The following MME variants were observed in gnomAD, a reference collection of about 807,000 sequenced individuals.
MME encodes neprilysin.
Under a neutral mutation model 113.2 loss-of-function variants are expected in MME, and 98 were observed. The ratio of observed to expected loss-of-function variants is 0.87; its 90% CI spans 0.74 to 1.02. The LOEUF is 1.02. Ranked by LOEUF, MME falls within the 50% of genes least tolerant of loss-of-function variation. The pLI is 0.00. For missense variants in MME, 836 were observed against 896.0 expected (o/e 0.93, Z 0.86); for synonymous variants, 292 against 300.6 (o/e 0.97, Z 0.30).
intron 3 of MME, among the ~76,000 whole-genome samples, chr3:155,109,109 A>G (rs529788848): frequency 6.6e-6 from 1 of 152,302 alleles, no homozygotes; most frequent in East Asian, 1.9e-4. Context: ...TTTCTTGGCC[A>G]TCAGAAGAGA....
intron 12 of MME, 21 bp downstream of exon 12, chr3:155,142,351 T>C (rs1341467187): frequency 8.9e-6 from 14 of 1,572,088 alleles, no homozygotes; most frequent in African/African-American, 1.4e-5. Context: ...AATCTCTCTT[T>C]TCTTAAGACT....
chr3:155,082,742 T>C (rs1201498401), intron 1 of MME, among the ~76,000 whole-genome samples: 2 of 152,224 alleles, frequency 1.3e-5, no homozygotes, highest in East Asian at 1.9e-4. Context: ...TCCAGAACTT[T>C]AAGGTCTAGC....
At chr3:155,030,686 C>A (rs543662737) in intron 1 of MME, among the ~76,000 whole-genome samples, 1 of 152,172 alleles carries the variant, frequency 6.6e-6, no homozygotes, top group Non-Finnish European at 1.5e-5. Context: ...GCCAAGCAAT[C>A]CTCACAAGAT....
intron 8 of MME, among the ~76,000 whole-genome samples, chr3:155,130,207 C>T (rs1388613948): frequency 6.6e-6 from 1 of 152,226 alleles, no homozygotes; most frequent in Admixed American, 6.5e-5. Flanking sequence ...GTTTCCAACT[C>T]TAAGGACTAC....
chr3:155,065,429 C>T (rs1714354842), intron 1 of MME, among the ~76,000 whole-genome samples: 5 of 152,136 alleles, frequency 3.3e-5, no homozygotes, highest in Non-Finnish European at 5.9e-5. Context: ...TTACCCTTCC[C>T]TGAAGTCCTA....
chr3:155,051,517 G>A (rs1713762732), intron 1 of MME, among the ~76,000 whole-genome samples: 1 of 152,176 alleles, frequency 6.6e-6, no homozygotes. Context: ...AGCAAAACAG[G>A]CACATCTTAC....
intron 3 of MME, among the ~76,000 whole-genome samples, chr3:155,107,436 T>C (rs1307886430): frequency 6.6e-6 from 1 of 151,690 alleles, no homozygotes; most frequent in Non-Finnish European, 1.5e-5. Context: ...ATGTTGTAAA[T>C]AGATGCCTAA....
At chr3:155,092,640 T>C (rs1037455180) in intron 3 of MME, among the ~76,000 whole-genome samples, 13 of 152,110 alleles carry the variant, frequency 8.5e-5, no homozygotes, top group African/African-American at 2.7e-4. Flanking sequence ...CAAAATGCCA[T>C]ATAGCTATAA....
chr3:155,028,721 A>G (rs555721384), intron 1 of MME, among the ~76,000 whole-genome samples: 2 of 152,334 alleles, frequency 1.3e-5, no homozygotes, highest in African/African-American at 4.8e-5. Context: ...TGGTAGCATT[A>G]CATCTTTATT....
chr3:155,071,648 T>C (rs985943628), intron 1 of MME, among the ~76,000 whole-genome samples: 13 of 152,180 alleles, frequency 8.5e-5, no homozygotes, highest in African/African-American at 3.1e-4. Context: ...CAACAAGATG[T>C]CCATCATCCT....
At chr3:155,126,735 C>T (rs1404896026) in intron 8 of MME, among the ~76,000 whole-genome samples, 1 of 152,046 alleles carries the variant, frequency 6.6e-6, no homozygotes, top group East Asian at 1.9e-4. Flanking sequence ...CGCAGTGGCT[C>T]ATGCCTGTAA....
At chr3:155,043,800 G>A (rs1713445961) in intron 1 of MME, among the ~76,000 whole-genome samples, 1 of 151,950 alleles carries the variant, frequency 6.6e-6, no homozygotes, top group South Asian at 2.1e-4. Flanking sequence ...TTATCTGATA[G>A]ACAAGTCTTC....
rs1026193863 is a variant in MME, at chr3:155,084,299, A to G, written c.132A>G (p.Thr44=). ...LVLLLTIIAV[T]MIALYATYDD... ...TGCTCCTCACCATCATAGCTGTGAC[A>G]ATGATCGCACTCTATGCAACCTACG... The change falls in exon 2 of 23, where the codon ACA becomes ACG. Residue 44 remains threonine, a synonymous_variant. Transcript: ENST00000360490. 3 of 1,614,160 alleles carry G rather than the reference A, an allele frequency of 1.9e-6. No individual in the cohort carries two copies. Among genetic ancestry groups the G allele is most frequent in the Admixed American group, 1.7e-5 (1 of 60,020 alleles).
intron 1 of MME, among the ~76,000 whole-genome samples, chr3:155,057,704 T>C (rs1713982942): frequency 6.6e-6 from 1 of 151,750 alleles, no homozygotes; most frequent in South Asian, 2.1e-4. Context: ...TTTTTTTTTT[T>C]TTCTAAATTG....
chr3:155,036,966 A>G (rs1460892819), intron 1 of MME, among the ~76,000 whole-genome samples: 2 of 152,136 alleles, frequency 1.3e-5, no homozygotes, highest in African/African-American at 4.8e-5. Context: ...CTCCAGCACA[A>G]TTTTTTGAAA....
Position 155,116,474 on chromosome 3 carries a change from T to C in MME, c.359-5T>C. 6 of 1,595,890 alleles carry C rather than the reference T, an allele frequency of 3.8e-6. No homozygotes were observed. The highest frequency in any genetic ancestry group is 5.2e-6 in the Non-Finnish European group (6 of 1,163,762). ...TGATGCATTTTATTAAATGTCCTAT[T>C]TCAGATGTCCTTCAAGAACCCAAAA... is the stretch of plus-strand genomic sequence containing the variant. On this transcript the variant is annotated splice_region_variant and splice_polypyrimidine_tract_variant and intron_variant, in intron 4 of 22. Coordinates refer to ENST00000360490, the MANE Select transcript of MME (RefSeq NM_007289.4).
At chr3:155,152,615 C>T (rs1186079604) in intron 16 of MME, among the ~76,000 whole-genome samples, 6 of 151,852 alleles carry the variant, frequency 4.0e-5, no homozygotes, top group African/African-American at 7.3e-5. Flanking sequence ...TCAAGGTGGG[C>T]GGATCACTTG....
At chr3:155,151,315 G>T (rs1721915169) in intron 16 of MME, among the ~76,000 whole-genome samples, 1 of 152,150 alleles carries the variant, frequency 6.6e-6, no homozygotes, top group South Asian at 2.1e-4. Context: ...TGAGACTTTT[G>T]TAGGGTTGTA....
At chr3:155,040,801 G>C (rs2108120066) in intron 1 of MME, among the ~76,000 whole-genome samples, 1 of 152,070 alleles carries the variant, frequency 6.6e-6, no homozygotes, top group Non-Finnish European at 1.5e-5. Flanking sequence ...GTATTATCTT[G>C]ATTCTCCCAT....
Sources: gnomAD v4.1 joint callset for allele counts (sites outside exome capture counted in the v4.1 genomes callset) on GRCh38, gnomAD v4.1.1 for gene constraint, MANE v1.5 for transcripts, NCBI Gene and HGNC (gene_info 2026-07-23, HGNC 2026-07-21) for gene names.